RABGAP1: variants seen among roughly 807,000 people sequenced by gnomAD.
The protein encoded by RABGAP1 is rab GTPase-activating protein 1.
RABGAP1 carries 23 observed loss-of-function variants against 137.6 expected under a neutral mutation model. That is an observed-to-expected ratio of 0.17 (90% CI 0.12 to 0.24). The LOEUF (loss-of-function observed/expected upper bound fraction) is 0.24. Among genes scored for constraint, RABGAP1 ranks in the 10% least tolerant of loss-of-function variants. RABGAP1 has a pLI of 1.00. For synonymous variants in RABGAP1, 451 were observed against 450.7 expected (o/e 1.00, Z -0.01); for missense variants, 906 against 1,275.8 (o/e 0.71, Z 4.42).
At chr9:122,947,017 A>C (rs1833983169) in intron 1 of RABGAP1, among the ~76,000 whole-genome samples, 1 of 152,178 alleles carries the variant, frequency 6.6e-6, no homozygotes. Flanking sequence ...ATTTTTAAAC[A>C]TGGAGCTACT....
chr9:123,092,105 A>C (rs907522088), intron 21 of RABGAP1, among the ~76,000 whole-genome samples: 1 of 152,190 alleles, frequency 6.6e-6, no homozygotes, highest in African/African-American at 2.4e-5. Flanking sequence ...TGAAATTAAG[A>C]GGCAGCTTAG....
chr9:122,956,948 A>G (rs553013991), intron 1 of RABGAP1, 63 bp from the exon 2 acceptor site: 3 of 849,690 alleles, frequency 3.5e-6, no homozygotes, highest in Non-Finnish European at 4.9e-6. Flanking sequence ...TGTAAGAAGT[A>G]CAGTGTAATT....
intron 2 of RABGAP1, among the ~76,000 whole-genome samples, chr9:122,973,819 G>A (rs924185970): frequency 1.3e-5 from 2 of 151,758 alleles, no homozygotes; most frequent in African/African-American, 2.4e-5. Flanking sequence ...AGACAAGCCC[G>A]GCCAACATGG....
intron 2 of RABGAP1, among the ~76,000 whole-genome samples, chr9:122,973,001 T>A: frequency 6.7e-6 from 1 of 148,302 alleles, no homozygotes; most frequent in Non-Finnish European, 1.5e-5. Flanking sequence ...TACATAGAGG[T>A]ATATTTCTTT....
intron 10 of RABGAP1, among the ~76,000 whole-genome samples, chr9:123,003,249 G>GT: frequency 6.6e-6 from 1 of 152,300 alleles, no homozygotes; most frequent in Middle Eastern, 3.4e-3. Context: ...GTGATTCAAT[G>GT]AGGATAAATA....
In RABGAP1 at chr9:123,092,764, G is replaced by A. The variant is rs758506377; in HGVS notation, c.2628+2379G>A. 3.9e-5 allele frequency among the ~76,000 whole-genome samples: 6 copies of A among 152,258 alleles called. No homozygotes were observed. In the South Asian group the frequency reaches 1.2e-3, roughly 32 times the overall value. On this transcript the variant is annotated intron_variant, in intron 21 of 25. Transcript: ENST00000373647. ...CTCAGAGTAGGCCGTGTTGTAGAAG[G>A]GATATAATTATGATCCCCATTTTAC...
At chr9:123,077,352 A>G (rs934776513) in intron 19 of RABGAP1, among the ~76,000 whole-genome samples, 4 of 151,700 alleles carry the variant, frequency 2.6e-5, no homozygotes, top group Non-Finnish European at 5.9e-5. Flanking sequence ...GGTTCTCACT[A>G]TGTTGCCAAG....
intron 22 of RABGAP1, 25 bp from the exon 23 acceptor site, chr9:123,098,690 C>T (rs909416883): frequency 1.3e-6 from 2 of 1,597,254 alleles, no homozygotes; most frequent in Middle Eastern, 3.3e-4. Context: ...TTAACATAGT[C>T]CCTTTTGTTT....
At chr9:123,007,373 CTTTTTTTTTT>C (rs1298703088) in intron 10 of RABGAP1, among the ~76,000 whole-genome samples, 1 of 112,768 alleles carries the variant, frequency 8.9e-6, no homozygotes, top group Non-Finnish European at 1.8e-5. Flanking sequence ...CTGAGCCTGG[CTTTTTTTTTT>C]TTTTTTTTTT....
chr9:122,939,907 C>A, upstream of RABGAP1: 1 of 152,276 alleles, frequency 6.6e-6, no homozygotes, highest in Non-Finnish European at 1.5e-5. Context: ...CCAGAAAACA[C>A]TGTAGACGAC....
At chr9:122,951,708 T>G (rs1348077485) in intron 1 of RABGAP1, among the ~76,000 whole-genome samples, 2 of 152,110 alleles carry the variant, frequency 1.3e-5, no homozygotes, top group African/African-American at 4.8e-5. Flanking sequence ...TAGCTGGCAC[T>G]ACAGGCACAC....
intron 12 of RABGAP1, among the ~76,000 whole-genome samples, chr9:123,016,019 C>T (rs2031200003): frequency 6.6e-6 from 1 of 151,946 alleles, no homozygotes; most frequent in Non-Finnish European, 1.5e-5. Flanking sequence ...AGGATTTTTC[C>T]CTTATCTGTG....
chr9:123,100,677 C>G lies in RABGAP1; in HGVS notation c.2890-889C>G, dbSNP rs566468238. Among the ~76,000 whole-genome samples the G allele has an allele frequency of 2.0e-5, 3 of 152,250 alleles. No individual in the cohort carries two copies. The East Asian group carries it at 5.8e-4, about 29-fold the overall frequency. On this transcript the variant is annotated intron_variant, in intron 24 of 25. Transcript: ENST00000373647. Reference sequence around the variant, plus strand: ...CTCGTGATCCACCCGCCTTGGCCTCCCAAAGTGCTGGGATTACAGCTGTGA... The same window carrying G: ...CTCGTGATCCACCCGCCTTGGCCTCGCAAAGTGCTGGGATTACAGCTGTGA...
At chr9:122,970,074 A>ATTTTT (rs34261698) in intron 2 of RABGAP1, among the ~76,000 whole-genome samples, 1 of 143,482 alleles carries the variant, frequency 7.0e-6, no homozygotes, top group Non-Finnish European at 1.5e-5. Flanking sequence ...TATCCGGCTA[A>ATTTTT]TTTTTTTTTT....
intron 13 of RABGAP1, among the ~76,000 whole-genome samples, chr9:123,044,505 A>G (rs1011550096): frequency 1.3e-5 from 2 of 152,114 alleles, no homozygotes; most frequent in Non-Finnish European, 2.9e-5. Flanking sequence ...CTACGCCTCC[A>G]TAGGTGTCTG....
At chr9:123,026,141 T>C (rs990401522) in intron 13 of RABGAP1, among the ~76,000 whole-genome samples, 3 of 151,654 alleles carry the variant, frequency 2.0e-5, no homozygotes, top group Non-Finnish European at 4.4e-5. Flanking sequence ...CTGGGGAACA[T>C]GGCAAAATCC....
intron 19 of RABGAP1, among the ~76,000 whole-genome samples, chr9:123,087,439 G>A (rs914664925): frequency 2.6e-5 from 4 of 152,152 alleles, no homozygotes; most frequent in Non-Finnish European, 4.4e-5. Context: ...AGTGTTTGCT[G>A]TTCGCAGCCG....
chr9:123,066,375 G>T (rs2034172602), intron 14 of RABGAP1, among the ~76,000 whole-genome samples: 1 of 152,060 alleles, frequency 6.6e-6, no homozygotes, highest in Non-Finnish European at 1.5e-5. Context: ...AGTGACCCCT[G>T]CCATCTCTCA....
chr9:122,942,331 T>G (rs985254118), intron 1 of RABGAP1, among the ~76,000 whole-genome samples: 1 of 152,192 alleles, frequency 6.6e-6, no homozygotes, highest in African/African-American at 2.4e-5. Context: ...CAAGTTTGTA[T>G]AAGGTGCTAT....
Sources: allele counts gnomAD v4.1 joint callset (sites outside exome capture counted in the v4.1 genomes callset), GRCh38; gene constraint gnomAD v4.1.1; transcripts MANE v1.5; gene names NCBI Gene and HGNC (gene_info 2026-07-23, HGNC 2026-07-21).